Variants in AOC3 observed in about 807,000 individuals in gnomAD.
AOC3 encodes the protein amine oxidase [copper-containing] 3.
A neutral mutation model predicts 55.4 loss-of-function variants in AOC3; 47 were observed. The observed-to-expected ratio is 0.85, with a 90% CI of 0.67 to 1.08. The LOEUF is 1.08. Among genes scored for constraint, AOC3 ranks in the 50% least tolerant of loss-of-function variants. AOC3 has a pLI of 0.00. For synonymous variants in AOC3, 386 were observed against 410.7 expected (o/e 0.94, Z 0.73); for missense variants, 853 against 993.1 (o/e 0.86, Z 1.90).
chr17:42,855,571 AAG>A lies in AOC3; in HGVS notation c.2015_2016del (p.Lys672ArgfsTer21). On this transcript the variant is annotated frameshift_variant and splice_region_variant, in exon 3 of 4. Coordinates refer to ENST00000308423, the MANE Select transcript of AOC3 (RefSeq NM_003734.4). LOFTEE classifies it high-confidence loss of function. ...CATCAACAATGAGACCATTGCTGGA[AAG>A]GTCAGCTGGCCGGGGTAGAGGGTAC... ...DFINNETIAG[K>X]DLVAWVTAGF... 6.2e-7 allele frequency: 1 copy of A among 1,614,144 alleles called. No individual in the cohort carries two copies. Among genetic ancestry groups the A allele is most frequent in the South Asian group, 1.1e-5 (1 of 91,068 alleles).
rs1190166416 is a variant in AOC3 at position 42,857,576 on chromosome 17, C to G, written c.*1026C>G. ...GGCTGTCCAATCACATTCAGGCATG[C>G]GAATGAGCTGGGCCCTGGGTGAGGT... is the stretch of plus-strand genomic sequence containing the variant. On this transcript the variant is annotated 3_prime_UTR_variant, in exon 4 of 4. Coordinates refer to ENST00000308423, the MANE Select transcript of AOC3 (RefSeq NM_003734.4). 1 of 152,220 alleles carries G rather than the reference C, an allele frequency of 6.6e-6. No homozygotes were observed. Among genetic ancestry groups the G allele is most frequent in the Non-Finnish European group, 1.5e-5 (1 of 68,024 alleles). The allele number at this position is 152,220 out of a possible 1,614,324, so 9.4% of individuals were successfully genotyped here. A position where few individuals can be genotyped will look rare whatever the true frequency, so the allele number is the denominator to read the frequency against.
chr17:42,852,579 C>T lies in AOC3; in HGVS notation c.1236C>T (p.Asp412=). 6.2e-7 allele frequency: 1 copy of T among 1,614,224 alleles called. No homozygotes were observed. Among genetic ancestry groups the T allele is most frequent in the Non-Finnish European group, 8.5e-7 (1 of 1,180,036 alleles). The change falls in exon 1 of 4, where the codon GAC becomes GAT. Residue 412 remains aspartate (D), a synonymous_variant. Coordinates refer to ENST00000308423, the MANE Select transcript of AOC3 (RefSeq NM_003734.4). ...GCCCCTACTTGGCCACCTACGTGGACTGGCACTTCCTTTTGGAGTCCCAGG... is the reference window on the plus strand; with the variant it reads ...GCCCCTACTTGGCCACCTACGTGGATTGGCACTTCCTTTTGGAGTCCCAGG... ...VDCPYLATYV[D]WHFLLESQAP...
At position 42,858,114 on chromosome 17, in the gene AOC3, A is replaced by G. The variant is rs1301620854; in HGVS notation, c.*1564A>G. On this transcript the variant is annotated 3_prime_UTR_variant, in exon 4 of 4. Coordinates refer to ENST00000308423, the MANE Select transcript of AOC3 (RefSeq NM_003734.4). ...ATTACCTATTCAAAATAAACAATAAATGGGCCCAAACAGGAATTGACTTTT... is the reference window on the plus strand; with the variant it reads ...ATTACCTATTCAAAATAAACAATAAGTGGGCCCAAACAGGAATTGACTTTT... The G allele has an allele frequency of 6.6e-6, 1 of 151,746 alleles. No individual in the cohort carries two copies. The highest frequency in any genetic ancestry group is 1.9e-4 in the East Asian group (1 of 5,310). 9.4% of individuals were successfully genotyped at this position (151,746 alleles called of 1,614,324 possible).
chr17:42,855,001 C>T (rs1317018792), intron 2 of AOC3, among the ~76,000 whole-genome samples: 1 of 152,060 alleles, frequency 6.6e-6, no homozygotes, highest in African/African-American at 2.4e-5. Flanking sequence ...TGCACGCCAC[C>T]ACACATGGCT....
chr17:42,853,113 C>G, intron 1 of AOC3, 170 bp downstream of exon 1: 1 of 1,345,944 alleles, frequency 7.4e-7, no homozygotes, highest in Non-Finnish European at 9.8e-7. Context: ...GATCTTAGCT[C>G]ACTGGCTGGG....
At chr17:42,854,051 TC>T (rs2055711529) in intron 1 of AOC3, 1 of 166,686 alleles carries the variant, frequency 6.0e-6, no homozygotes, top group African/African-American at 2.4e-5. Flanking sequence ...GGCCCCCTTT[TC>T]CTGCCTGCAA....
chr17:42,854,387 C>A, intron 1 of AOC3, 61 bp from the exon 2 acceptor site: 1 of 1,393,806 alleles, frequency 7.2e-7, no homozygotes, highest in Non-Finnish European at 9.4e-7. Context: ...CAGATGGGGG[C>A]AGAGTCCAGA....
chr17:42,851,601 A>G lies in AOC3; in HGVS notation c.258A>G (p.Ala86=). 6.2e-7 allele frequency: 1 copy of G among 1,613,068 alleles called. No individual in the cohort carries two copies. ...TQRLGPGLVD[A]AQARPSDNCV... Reference sequence around the variant, plus strand: ...GGCTGGGGCCAGGGCTGGTGGATGCAGCCCAGGCCCGGCCCTCGGACAACT... The same window carrying G: ...GGCTGGGGCCAGGGCTGGTGGATGCGGCCCAGGCCCGGCCCTCGGACAACT... Residue 86 remains alanine (A), a synonymous_variant, in exon 1 of 4, where the codon GCA becomes GCG. Coordinates refer to ENST00000308423, the MANE Select transcript of AOC3 (RefSeq NM_003734.4).
Position 42,852,958 on chromosome 17 carries a change from T to C in AOC3, c.1600+15T>C. ...GGATGTAGCAGGTAAGACATTTTGG[T>C]GGGGAGAAGGCTTCTGGAAGAAGGG... On this transcript the variant is annotated intron_variant, in intron 1 of 3. Transcript: ENST00000308423. 1 of 1,594,370 alleles carries C rather than the reference T, an allele frequency of 6.3e-7. No individual in the cohort carries two copies. Among genetic ancestry groups the C allele is most frequent in the Non-Finnish European group, 8.6e-7 (1 of 1,163,808 alleles).
intron 3 of AOC3, 61 bp downstream of exon 3, chr17:42,855,634 AAAACCACCTGC>A: frequency 1.2e-6 from 2 of 1,609,248 alleles, no homozygotes; most frequent in Non-Finnish European, 1.7e-6. Context: ...AGGGTCCCTG[AAAACCACCTGC>A]ACTTCTCAGG....
Position 42,852,682 on chromosome 17 carries a change from C to G in AOC3, c.1339C>G (p.Leu447Val), listed in dbSNP as rs2055690870. The change falls in exon 1 of 4, where the codon CTC becomes GTC. Residue 447 changes from leucine (L) to valine (V), a missense_variant. Physicochemically the swap from Leu to Val is conservative, Grantham distance 32 (BLOSUM62 1). Transcript: ENST00000308423. ...CCCCCTGCGGCGACACCACTCAGAT[C>G]TCTACTCGCACTACTTTGGGGGTCT... is the stretch of plus-strand genomic sequence containing the variant. ...GLPLRRHHSDLYSHYFGGLAE... is the reference protein window; with the variant it reads ...GLPLRRHHSDVYSHYFGGLAE... 1 of 1,614,228 alleles carries G rather than the reference C, an allele frequency of 6.2e-7. No homozygotes were observed. The highest frequency in any genetic ancestry group is 8.5e-7 in the Non-Finnish European group (1 of 1,180,040).
In AOC3 at chr17:42,853,574, C is replaced by T. The variant is rs563204398; in HGVS notation, c.1600+631C>T. Reference sequence around the variant, plus strand: ...TTTGTCTTTTCACTGTCTTTCCCCACATTGAGTCAGTCACCAGGTGTTTTT... The same window carrying T: ...TTTGTCTTTTCACTGTCTTTCCCCATATTGAGTCAGTCACCAGGTGTTTTT... On this transcript the variant is annotated intron_variant, in intron 1 of 3. Transcript: ENST00000308423. Among the ~76,000 whole-genome samples, 5 of 152,092 alleles carry T rather than the reference C, an allele frequency of 3.3e-5. No homozygotes were observed. The East Asian group carries it at 9.7e-4, about 29-fold the overall frequency.
rs186314856 is a variant in AOC3 at position 42,853,054 on chromosome 17, A to C, written c.1600+111A>C. On this transcript the variant is annotated intron_variant, in intron 1 of 3. Coordinates refer to ENST00000308423, the MANE Select transcript of AOC3 (RefSeq NM_003734.4). ...CAGAAAGGAAGACGTGGATTTTTGT[A>C]CTTCCCCTTTTGCTGGATGGGAGAG... The C allele has an allele frequency of 2.1e-6, 3 of 1,399,634 alleles. No individual in the cohort carries two copies. In the Admixed American group the frequency reaches 7.7e-5, roughly 36 times the overall value. The allele number at this position is 1,399,634 out of a possible 1,614,324, so 86.7% of individuals were successfully genotyped here.
At position 42,851,769 on chromosome 17, in the gene AOC3, G is replaced by A. The variant is rs778271956; in HGVS notation, c.426G>A (p.Val142=). 5.6e-5 allele frequency: 91 copies of A among 1,612,916 alleles called. No individual in the cohort carries two copies. The Admixed American group carries it at 1.5e-3, about 27-fold the overall frequency. Residue 142 remains valine (V), a synonymous_variant, in exon 1 of 4, where the codon GTG becomes GTA. Coordinates refer to ENST00000308423, the MANE Select transcript of AOC3 (RefSeq NM_003734.4). ...RQPQPNVSEL[V]VGPLPHPSYM... Reference sequence around the variant, plus strand: ...CCCAGCCCAACGTGAGTGAGCTGGTGGTGGGGCCACTGCCTCACCCCTCCT... The same window carrying A: ...CCCAGCCCAACGTGAGTGAGCTGGTAGTGGGGCCACTGCCTCACCCCTCCT...
At chr17:42,855,420 G>A in intron 2 of AOC3, 24 bp from the exon 3 acceptor site, 1 of 1,590,924 alleles carries the variant, frequency 6.3e-7, no homozygotes, top group Non-Finnish European at 8.6e-7. Context: ...AATGGCCATG[G>A]AGGCCTGACC....
Position 42,851,821 on chromosome 17 carries a change from C to A in AOC3, c.478C>A (p.His160Asn), listed in dbSNP as rs2055671017. 1 of 1,613,476 alleles carries A rather than the reference C, an allele frequency of 6.2e-7. No individual in the cohort carries two copies. Among genetic ancestry groups the A allele is most frequent in the Admixed American group, 1.7e-5 (1 of 60,008 alleles). ...CATGCGGGACGTGACTGTGGAGCGTCATGGAGGCCCCCTGCCCTATCACCG... is the reference window on the plus strand; with the variant it reads ...CATGCGGGACGTGACTGTGGAGCGTAATGGAGGCCCCCTGCCCTATCACCG... The part of the protein sequence containing the change: ...SYMRDVTVER[H>N]GGPLPYHRRP... Residue 160 changes from histidine (H) to asparagine (N), a missense_variant, in exon 1 of 4, where the codon CAT becomes AAT. His to Asn is a moderately conservative substitution (Grantham distance 68). Coordinates refer to ENST00000308423, the MANE Select transcript of AOC3 (RefSeq NM_003734.4).
In AOC3 at chr17:42,852,710, C is replaced by T. The variant is rs367848102; in HGVS notation, c.1367C>T (p.Ala456Val). The T allele has an allele frequency of 1.4e-5, 22 of 1,614,090 alleles. No homozygotes were observed. The South Asian group carries it at 1.8e-4, about 13-fold the overall frequency. The change falls in exon 1 of 4, where the codon GCG becomes GTG. Residue 456 changes from alanine (A) to valine (V), a missense_variant. Coordinates refer to ENST00000308423, the MANE Select transcript of AOC3 (RefSeq NM_003734.4). ...TACTCGCACTACTTTGGGGGTCTTG[C>T]GGAAACGGTGCTGGTCGTCAGATCT... The part of the protein sequence containing the change: ...DLYSHYFGGL[A>V]ETVLVVRSMS...
Position 42,856,745 on chromosome 17 carries a change from G to C in AOC3, c.*195G>C. Reference sequence around the variant, plus strand: ...TGTGATGCCTGACACAGGGGACACTGAACCTTGTTGATGCCAGCTGTACTG... The same window carrying C: ...TGTGATGCCTGACACAGGGGACACTCAACCTTGTTGATGCCAGCTGTACTG... On this transcript the variant is annotated 3_prime_UTR_variant, in exon 4 of 4. Transcript: ENST00000308423. 1 of 652,198 alleles carries C rather than the reference G, an allele frequency of 1.5e-6. No homozygotes were observed. The highest frequency in any genetic ancestry group is 1.8e-5 in the African/African-American group (1 of 54,804). 40.4% of individuals were successfully genotyped at this position (652,198 alleles called of 1,614,324 possible).
rs1555553509 is a variant in AOC3 at position 42,851,722 on chromosome 17, A to G, written c.379A>G (p.Ile127Val). 2.5e-6 allele frequency: 4 copies of G among 1,612,114 alleles called. No individual in the cohort carries two copies. The highest frequency in any genetic ancestry group is 2.7e-5 in the African/African-American group (2 of 74,894). Residue 127 changes from isoleucine (I) to valine (V), a missense_variant, in exon 1 of 4, where the codon ATC becomes GTC. Coordinates refer to ENST00000308423, the MANE Select transcript of AOC3 (RefSeq NM_003734.4). ...CCCACCTGCCCGGGAGGCACTGGCCATCGTCTTCTTTGGCAGGCAACCCCA... is the reference window on the plus strand; with the variant it reads ...CCCACCTGCCCGGGAGGCACTGGCCGTCGTCTTCTTTGGCAGGCAACCCCA... ...SPPPAREALA[I>V]VFFGRQPQPN...
Sources: allele counts gnomAD v4.1 joint callset (sites outside exome capture counted in the v4.1 genomes callset), GRCh38; gene constraint gnomAD v4.1.1; transcripts MANE v1.5; gene names NCBI Gene and HGNC (gene_info 2026-07-23, HGNC 2026-07-21).